The following CARD8 variants were observed in gnomAD, a reference collection of about 807,000 sequenced individuals.
The protein encoded by CARD8 is caspase recruitment domain-containing protein 8.
A neutral mutation model predicts 53.2 loss-of-function variants in CARD8; 38 were observed. The observed-to-expected ratio is 0.71, with a 90% CI of 0.55 to 0.94. The LOEUF is 0.94. CARD8 is among the 40% of genes least tolerant of loss of function. CARD8 has a pLI of 0.00. For synonymous variants in CARD8, 245 were observed against 244.9 expected (o/e 1.00, Z 0.00); for missense variants, 561 against 655.5 (o/e 0.86, Z 1.57).
rs144642248 is a variant in CARD8 at position 48,230,919 on chromosome 19, C to T, written c.630G>A (p.Ala210=). ...CCAGGTGCTGACTCCAGGAACCAAA[C>T]GCAATCGTCACTGTGACCTCATCCC... ...LVRDEVTVTI[A]FGSWSQHLAL... The change falls in exon 9 of 14, where the codon GCG becomes GCA. Residue 210 remains alanine (A), a synonymous_variant. Transcript: ENST00000651546. 144 of 1,614,184 alleles carry T rather than the reference C, an allele frequency of 8.9e-5. No individual in the cohort carries two copies. In the African/African-American group the frequency reaches 1.6e-3, roughly 18 times the overall value.
At chr19:48,234,778 C>T (rs538399551) in intron 5 of CARD8, among the ~76,000 whole-genome samples, 18 of 152,176 alleles carry the variant, frequency 1.2e-4, no homozygotes, top group Non-Finnish European at 1.6e-4. Flanking sequence ...GCTGCTCTTT[C>T]CATCCTAGGA....
Position 48,232,444 on chromosome 19 carries a change from G to T in CARD8, c.391+9C>A. On this transcript the variant is annotated intron_variant, in intron 7 of 13. Transcript: ENST00000651546. ...ACGCCCTTCACTCCTCTCCCTATTA[G>T]CCCATTACCTGAATCTTGTCCCTCT... is the stretch of plus-strand genomic sequence containing the variant. 1 of 1,534,336 alleles carries T rather than the reference G, an allele frequency of 6.5e-7. No individual in the cohort carries two copies. The highest frequency in any genetic ancestry group is 8.7e-7 in the Non-Finnish European group (1 of 1,145,300).
intron 3 of CARD8, among the ~76,000 whole-genome samples, chr19:48,244,215 T>C (rs999112599): frequency 4.6e-5 from 7 of 152,112 alleles, no homozygotes; most frequent in Non-Finnish European, 7.4e-5. Context: ...ATTGTAAAAT[T>C]CTACCTGGTA....
chr19:48,207,734 G>GTTTTTTTTTTTTGT (rs2037430676), downstream of CARD8, among the ~76,000 whole-genome samples: 4 of 116,538 alleles, frequency 3.4e-5, no homozygotes, highest in East Asian at 6.5e-4. Flanking sequence ...TTGTTTTTCT[G>GTTTTTTTTTTTTGT]TTTTTTTTTT....
Position 48,230,867 on chromosome 19 carries a change from A to G in CARD8, c.682T>C (p.Trp228Arg), listed in dbSNP as rs761677875. The G allele has an allele frequency of 5.6e-6, 9 of 1,614,146 alleles. No individual in the cohort carries two copies. The highest frequency in any genetic ancestry group is 7.6e-6 in the Non-Finnish European group (9 of 1,180,034). The change falls in exon 9 of 14, where the codon TGG (tryptophan) becomes CGG (arginine). Residue 228 changes from tryptophan to arginine, a missense_variant. Trp to Arg is a moderately radical substitution (Grantham distance 101). Transcript: ENST00000651546. ...TCAAACAAGGGGCCGCCCACCAGCC[A>G]CTGTTCATGGTGCTGCAGGTCCAGG... ...LALDLQHHEQ[W>R]LVGGPLFDVT...
intron 1 of CARD8, among the ~76,000 whole-genome samples, chr19:48,252,763 G>A (rs1278070446): frequency 6.6e-6 from 1 of 151,368 alleles, no homozygotes; most frequent in East Asian, 1.9e-4. Context: ...CTCCAAAAGT[G>A]CTAGGATTGT....
intron 3 of CARD8, among the ~76,000 whole-genome samples, chr19:48,248,403 C>T (rs898331691): frequency 6.6e-6 from 1 of 152,050 alleles, no homozygotes; most frequent in African/African-American, 2.4e-5. Flanking sequence ...TATTCCTTGA[C>T]ATATTGAAGA....
At chr19:48,232,323 A>C in intron 7 of CARD8, 130 bp downstream of exon 7, 1 of 820,264 alleles carries the variant, frequency 1.2e-6, no homozygotes, top group Non-Finnish European at 2.0e-6. Context: ...TGCACAGTGC[A>C]CTGTGGCAAA....
At chr19:48,230,037 C>T (rs927130410) in intron 10 of CARD8, among the ~76,000 whole-genome samples, 7 of 152,038 alleles carry the variant, frequency 4.6e-5, no homozygotes, top group Non-Finnish European at 8.8e-5. Flanking sequence ...CGCTTGAACC[C>T]GAGAAGTGGA....
chr19:48,255,187 G>A (rs182153087), intron 1 of CARD8, among the ~76,000 whole-genome samples: 160 of 152,252 alleles, frequency 1.1e-3, no homozygotes, highest in East Asian at 0.01. Context: ...CCAACATGGT[G>A]AAACCCCGTC....
intron 4 of CARD8, 66 bp downstream of exon 4, chr19:48,240,896 A>G (rs1568884885): frequency 8.1e-7 from 1 of 1,238,710 alleles, no homozygotes; most frequent in Non-Finnish European, 1.1e-6. Context: ...TCTGTATCTC[A>G]TGAACTATAA....
intron 3 of CARD8, among the ~76,000 whole-genome samples, chr19:48,246,209 T>C (rs545232425): frequency 1.3e-5 from 2 of 152,296 alleles, no homozygotes; most frequent in Admixed American, 6.5e-5. Context: ...TCTTTGATGT[T>C]TTCTCACGAT....
At chr19:48,234,576 T>C (rs1164411032) in intron 5 of CARD8, 33 bp from the exon 6 acceptor site, 1 of 1,597,268 alleles carries the variant, frequency 6.3e-7, no homozygotes, top group Non-Finnish European at 8.5e-7. Flanking sequence ...TTACTATGAA[T>C]ATAAGGTAGG....
chr19:48,206,934 C>T, downstream of CARD8, among the ~76,000 whole-genome samples: 1 of 152,040 alleles, frequency 6.6e-6, no homozygotes, highest in Non-Finnish European at 1.5e-5. Flanking sequence ...TCCTAAAGTT[C>T]GACCTTATCT....
chr19:48,240,385 G>T (rs1297707741), intron 4 of CARD8, among the ~76,000 whole-genome samples: 1 of 152,144 alleles, frequency 6.6e-6, no homozygotes, highest in Non-Finnish European at 1.5e-5. Context: ...ACTCGCTTTT[G>T]CTCAGGTATG....
intron 4 of CARD8, among the ~76,000 whole-genome samples, chr19:48,239,494 A>C (rs1261682410): frequency 5.2e-5 from 4 of 76,366 alleles, no homozygotes; most frequent in South Asian, 4.3e-4. Flanking sequence ...TTTTTTTTTG[A>C]GACAGAGTTT....
rs143813106 is a variant in CARD8 at position 48,221,734 on chromosome 19, G to A, written c.1157C>T (p.Pro386Leu). The A allele has an allele frequency of 1.9e-4, 306 of 1,585,580 alleles. No individual in the cohort carries two copies. The African/African-American group carries it at 3.2e-3, about 16-fold the overall frequency. Residue 386 changes from proline (P) to leucine (L), a missense_variant, in exon 11 of 14, where the codon CCC becomes CTC. Coordinates refer to ENST00000651546, the MANE Select transcript of CARD8 (RefSeq NM_001184900.3). Reference sequence around the variant, plus strand: ...TTGGGTTTGAATTCTACTAACCTTGGGCATTACTTTCAGGTTAGCAGAATT... The same window carrying A: ...TTGGGTTTGAATTCTACTAACCTTGAGCATTACTTTCAGGTTAGCAGAATT... ...VSNSANLKVM[P>L]KELKLSYRSP...
downstream of CARD8, among the ~76,000 whole-genome samples, chr19:48,207,295 T>G (rs1423331793): frequency 6.6e-6 from 1 of 152,164 alleles, no homozygotes; most frequent in Non-Finnish European, 1.5e-5. Flanking sequence ...TCCATGGTAT[T>G]TTGTTATGGC....
chr19:48,254,351 T>C (rs1421673), intron 1 of CARD8, among the ~76,000 whole-genome samples: 28,454 of 152,146 alleles, frequency 0.19, 2,782 homozygotes, highest in East Asian at 0.32. Flanking sequence ...TGACAAAAAT[T>C]CTGTAGAAAT....
Sources: gnomAD v4.1 joint callset for allele counts (sites outside exome capture counted in the v4.1 genomes callset) on GRCh38, gnomAD v4.1.1 for gene constraint, MANE v1.5 for transcripts, NCBI Gene and HGNC (gene_info 2026-07-23, HGNC 2026-07-21) for gene names.